MTAP: variants seen among roughly 807,000 people sequenced by gnomAD.
MTAP encodes the protein methylthioadenosine phosphorylase, also known as S-methyl-5'-thioadenosine phosphorylase.
MTAP carries 33 observed loss-of-function variants against 33.6 expected under a neutral mutation model. The ratio of observed to expected loss-of-function variants is 0.98; its 90% confidence interval spans 0.74 to 1.31. The LOEUF (loss-of-function observed/expected upper bound fraction) is 1.31, where lower values mean the gene tolerates loss of function less well. MTAP is among the 40% of genes most tolerant of loss of function. The pLI, the probability that MTAP is intolerant of heterozygous loss-of-function variation, is 0.00. For synonymous variants in MTAP, 148 were observed against 125.7 expected, an observed-to-expected ratio of 1.18 and a Z score of -1.19; for missense variants, 367 against 360.0, an observed-to-expected ratio of 1.02 and a Z score of -0.16.
chr9:21,818,577 C>G (rs1285255306), intron 4 of MTAP, among the ~76,000 whole-genome samples: 2 of 152,102 alleles, frequency 1.3e-5, no homozygotes, highest in Non-Finnish European at 2.9e-5. Context: ...CTCCGCCTCC[C>G]AAAGCGCAAA....
chr9:21,803,813 G>A (rs2117867636), intron 1 of MTAP, among the ~76,000 whole-genome samples: 1 of 152,248 alleles, frequency 6.6e-6, no homozygotes, highest in Non-Finnish European at 1.5e-5. Flanking sequence ...CCCTACACTC[G>A]ACTGCAGTTT....
At chr9:21,874,080 G>A (rs888350878) in intron 1 of MTAP, among the ~76,000 whole-genome samples, 4 of 152,072 alleles carry the variant, frequency 2.6e-5, no homozygotes, top group African/African-American at 4.8e-5. Flanking sequence ...TTTAGTTTAC[G>A]AATTCCCACC....
intron 5 of MTAP, among the ~76,000 whole-genome samples, chr9:21,852,250 T>G (rs1320456082): frequency 6.6e-6 from 1 of 152,160 alleles, no homozygotes; most frequent in Non-Finnish European, 1.5e-5. Context: ...GGCTCATGCC[T>G]ATAATCCCAG....
At chr9:21,856,274 T>C (rs748896940) in intron 6 of MTAP, 31 of 645,706 alleles carry the variant, frequency 4.8e-5, no homozygotes, top group Non-Finnish European at 5.6e-5. Flanking sequence ...TTTTAGAGAG[T>C]TTGTTTTACT....
chr9:21,903,589 G>T (rs1400480641), intron 1 of MTAP, among the ~76,000 whole-genome samples: 2 of 152,102 alleles, frequency 1.3e-5, no homozygotes, highest in Non-Finnish European at 2.9e-5. Context: ...TGAAAATATT[G>T]AACAGACTCA....
Position 21,872,459 on chromosome 9 carries a change from T to G in MTAP, c.147+17589T>G, listed in dbSNP as rs10123213. 9.5e-3 allele frequency among the ~76,000 whole-genome samples: 1,449 copies of G among 152,320 alleles called. 22 individuals are homozygous for G. Among genetic ancestry groups the G allele is most frequent in the African/African-American group, 0.032 (1,317 of 41,576 alleles). The stretch of plus-strand genomic sequence containing the variant: ...GTAGTTGGCCATTAATCAAATGTCA[T>G]TTATATCCCAAACTTCATTTTCATT... On this transcript the variant is annotated intron_variant, in intron 1 of 1. Coordinates refer to the MTAP transcript ENST00000577563.
rs151121291 is a variant in MTAP, at chr9:21,833,619, C to T, written c.348-4289C>T. ...ATGGGTAGATTCACTTCCCCTAAAC[C>T]GTCCTCCTTATGAGCAGCCGTTATT... On this transcript the variant is annotated intron_variant, in intron 4 of 7. Transcript: ENST00000644715. Among the ~76,000 whole-genome samples the T allele has an allele frequency of 2.7e-3, 405 of 152,218 alleles. 3 individuals carry two copies. Among genetic ancestry groups the T allele is most frequent in the African/African-American group, 9.3e-3 (386 of 41,518 alleles).
intron 6 of MTAP, among the ~76,000 whole-genome samples, chr9:21,855,277 C>A (rs1469470024): frequency 6.6e-6 from 1 of 152,170 alleles, no homozygotes; most frequent in African/African-American, 2.4e-5. Context: ...CGTACCGTGG[C>A]TGGATACTCT....
intron 1 of MTAP, among the ~76,000 whole-genome samples, chr9:21,887,654 A>AT (rs1444064575): frequency 6.6e-6 from 1 of 152,206 alleles, no homozygotes; most frequent in African/African-American, 2.4e-5. Flanking sequence ...GTCAAATGGT[A>AT]TTTCTAGTTC....
exon 8 of MTAP, chr9:21,937,599 T>G (rs1215493659): frequency 1.3e-5 from 2 of 152,222 alleles, no homozygotes; most frequent in South Asian, 2.1e-4. Context: ...ACAAAAGAGC[T>G]AGTTTTGTTT....
chr9:21,905,960 A>T (rs1818470758), intron 1 of MTAP, among the ~76,000 whole-genome samples: 1 of 152,212 alleles, frequency 6.6e-6, no homozygotes. Flanking sequence ...TTTGGTATTT[A>T]TTTTAGTTAC....
At chr9:21,832,881 A>G (rs796781999) in intron 4 of MTAP, among the ~76,000 whole-genome samples, 4 of 152,342 alleles carry the variant, frequency 2.6e-5, no homozygotes, top group African/African-American at 7.2e-5. Context: ...GCTCTAGAAG[A>G]CATCTTCTAT....
intron 1 of MTAP, among the ~76,000 whole-genome samples, chr9:21,813,083 A>G (rs117771240): frequency 2.0e-5 from 3 of 152,342 alleles, no homozygotes; most frequent in Non-Finnish European, 2.9e-5. Context: ...ACAAACTTAG[A>G]GACTCAAAGG....
At chr9:21,809,588 G>C (rs1379028755) in intron 1 of MTAP, among the ~76,000 whole-genome samples, 25 of 150,972 alleles carry the variant, frequency 1.7e-4, no homozygotes, top group Admixed American at 1.6e-3. Flanking sequence ...GCAGTGAGCC[G>C]AGATCGCACC....
rs1563869450 is a variant in MTAP at position 21,915,045 on chromosome 9, TTCCTTC to T, written c.148-15962_148-15957del. Among the ~76,000 whole-genome samples the T allele has an allele frequency of 3.6e-4, 41 of 112,910 alleles. 1 individual carries two copies. Among genetic ancestry groups the T allele is most frequent in the Non-Finnish European group, 5.9e-4 (36 of 61,130 alleles). The allele number at this position is 112,910 out of a possible 152,430, so 74.1% of individuals were successfully genotyped here. On this transcript the variant is annotated intron_variant, in intron 1 of 1. Coordinates refer to the MTAP transcript ENST00000577563. Reference sequence around the variant, plus strand: ...CTTCCTTCCTTCCTTCCTTCCTTCCTTCCTTCCTTCCTTTCTTTCTTTCTTTCTTTC... The same window carrying T: ...CTTCCTTCCTTCCTTCCTTCCTTCCTCTTCCTTTCTTTCTTTCTTTCTTTC...
At chr9:21,884,902 T>C (rs1301630095) in intron 1 of MTAP, among the ~76,000 whole-genome samples, 2 of 152,166 alleles carry the variant, frequency 1.3e-5, no homozygotes, top group Non-Finnish European at 2.9e-5. Context: ...CAAGGTTGCA[T>C]ACACAATTAG....
chr9:21,885,779 GGTGTGT>G (rs34691018), intron 1 of MTAP, among the ~76,000 whole-genome samples: 10,501 of 144,270 alleles, frequency 0.073, 444 homozygotes, highest in Non-Finnish European at 0.099. Flanking sequence ...AGTATTACAT[GGTGTGT>G]GTGTGTGTGT....
chr9:21,819,706 A>G (rs1824581285), intron 4 of MTAP, among the ~76,000 whole-genome samples: 2 of 152,126 alleles, frequency 1.3e-5, no homozygotes, highest in African/African-American at 4.8e-5. Context: ...GATCCATGAG[A>G]AATCGCCACA....
intron 1 of MTAP, chr9:21,802,985 A>AACACACACACACATACAC (rs1824095648): frequency 2.6e-6 from 1 of 378,324 alleles, no homozygotes; most frequent in Non-Finnish European, 4.0e-6. Flanking sequence ...CCGCACCGCC[A>AACACACACACACATACAC]ACACACACAC....
Sources: gnomAD v4.1 joint callset for allele counts (sites outside exome capture counted in the v4.1 genomes callset) on GRCh38, gnomAD v4.1.1 for gene constraint, MANE v1.5 for transcripts, NCBI Gene and HGNC (gene_info 2026-07-23, HGNC 2026-07-21) for gene names.